REC114: variants seen among roughly 807,000 people sequenced by gnomAD.
REC114 encodes the protein REC114 meiotic recombination protein.
In REC114, 27 loss-of-function variants were observed where a neutral mutation model predicts 31.3. The observed-to-expected ratio is 0.86, with a 90% confidence interval of 0.64 to 1.19. The LOEUF is 1.19. Among genes scored for constraint, REC114 ranks in the 50% most tolerant of loss-of-function variants. The probability of loss-of-function intolerance (pLI) is 0.00; values close to 1 mark genes in which losing one functional copy is unlikely to be tolerated. For synonymous variants in REC114, 134 were observed against 127.7 expected (o/e 1.05, Z -0.33); for missense variants, 344 against 326.9 (o/e 1.05, Z -0.40).
intron 2 of REC114, among the ~76,000 whole-genome samples, chr15:73,478,257 C>G (rs545245696): frequency 2.0e-5 from 2 of 100,448 alleles, no homozygotes; most frequent in East Asian, 5.6e-4. Flanking sequence ...GAGTGAGACT[C>G]TGTCTCAAAA....
At chr15:73,489,199 C>A (rs1215057177) in intron 2 of REC114, among the ~76,000 whole-genome samples, 1 of 146,348 alleles carries the variant, frequency 6.8e-6, no homozygotes, top group Non-Finnish European at 1.5e-5. Flanking sequence ...CCCTCCCCCA[C>A]CTTTTTTTTT....
At chr15:73,532,474 A>G (rs974783366) in intron 2 of REC114, among the ~76,000 whole-genome samples, 69 of 151,378 alleles carry the variant, frequency 4.6e-4, no homozygotes, top group African/African-American at 1.7e-3. Context: ...TAGCAGCATG[A>G]TTTATAGTCC....
At chr15:73,517,654 G>A (rs1416658919) in intron 2 of REC114, among the ~76,000 whole-genome samples, 1 of 152,178 alleles carries the variant, frequency 6.6e-6, no homozygotes, top group Non-Finnish European at 1.5e-5. Context: ...GATGACCACC[G>A]CCCTGGTGTC....
At position 73,550,050 on chromosome 15, in the gene REC114, G is replaced by A. The variant is rs1894366705; in HGVS notation, c.334-888G>A. Among the ~76,000 whole-genome samples the A allele has an allele frequency of 3.9e-5, 6 of 152,148 alleles. No individual in the cohort carries two copies. The South Asian group carries it at 1.2e-3, about 32-fold the overall frequency. On this transcript the variant is annotated intron_variant, in intron 3 of 5. Transcript: ENST00000331090. ...CATGAGGGAAAAGGACTGTCACTGT[G>A]CTAAGCTTAGCATCTACATTTCTTT...
chr15:73,500,730 T>G (rs1893593050), intron 2 of REC114, among the ~76,000 whole-genome samples: 1 of 111,262 alleles, frequency 9.0e-6, no homozygotes, highest in Admixed American at 8.6e-5. Context: ...CAATTATTGT[T>G]TTTTTTTTTT....
chr15:73,492,141 A>C (rs1893455988), intron 2 of REC114, among the ~76,000 whole-genome samples: 1 of 151,990 alleles, frequency 6.6e-6, no homozygotes, highest in Non-Finnish European at 1.5e-5. Flanking sequence ...TATCCCAGAA[A>C]CCTTTCTCAT....
At chr15:73,549,175 AG>A (rs1894354564) in intron 3 of REC114, among the ~76,000 whole-genome samples, 1 of 152,200 alleles carries the variant, frequency 6.6e-6, no homozygotes, top group Admixed American at 6.5e-5. Flanking sequence ...TTAGAATAAA[AG>A]TTAAAAAAAA....
At chr15:73,510,771 C>G (rs1413487856) in intron 2 of REC114, among the ~76,000 whole-genome samples, 1 of 148,230 alleles carries the variant, frequency 6.7e-6, no homozygotes, top group Non-Finnish European at 1.5e-5. Context: ...ATTGAACCAG[C>G]CTTGCATCCC....
intron 2 of REC114, among the ~76,000 whole-genome samples, chr15:73,488,975 TCA>T (rs1404660392): frequency 6.6e-6 from 1 of 152,216 alleles, no homozygotes; most frequent in African/African-American, 2.4e-5. Flanking sequence ...TAACAAAATG[TCA>T]CAGACTGGGT....
At chr15:73,537,543 T>C (rs1263701393) in intron 2 of REC114, among the ~76,000 whole-genome samples, 1 of 152,212 alleles carries the variant, frequency 6.6e-6, no homozygotes, top group African/African-American at 2.4e-5. Flanking sequence ...CCAGACAGGC[T>C]ATGCTGTTTC....
At chr15:73,535,453 G>A (rs1460653856) in intron 2 of REC114, among the ~76,000 whole-genome samples, 2 of 151,664 alleles carry the variant, frequency 1.3e-5, no homozygotes, top group Non-Finnish European at 2.9e-5. Flanking sequence ...AAATACCTAG[G>A]AATCCAACTT....
chr15:73,535,632 A>G (rs1452493714), intron 2 of REC114, among the ~76,000 whole-genome samples: 1 of 146,186 alleles, frequency 6.8e-6, no homozygotes, highest in Non-Finnish European at 1.5e-5. Flanking sequence ...TGCCATCCCC[A>G]TCAAGCTACC....
At chr15:73,462,884 CAAAAAAAA>C (rs769569268) in intron 1 of REC114, among the ~76,000 whole-genome samples, 38 of 55,650 alleles carry the variant, frequency 6.8e-4, no homozygotes, top group South Asian at 3.8e-3. Flanking sequence ...GACTCCGTCT[CAAAAAAAA>C]AAAAAAAAAA....
intron 2 of REC114, among the ~76,000 whole-genome samples, chr15:73,519,693 T>C (rs1002102720): frequency 1.3e-5 from 2 of 152,254 alleles, no homozygotes; most frequent in East Asian, 1.9e-4. Flanking sequence ...TCATCGCAGA[T>C]TATTCACAGT....
At chr15:73,546,361 C>G (rs1397155571) in intron 3 of REC114, among the ~76,000 whole-genome samples, 1 of 151,886 alleles carries the variant, frequency 6.6e-6, no homozygotes, top group Non-Finnish European at 1.5e-5. Flanking sequence ...CCCAGCAAAT[C>G]TGCTTTTAGG....
At chr15:73,507,350 C>A (rs1243287934) in intron 2 of REC114, among the ~76,000 whole-genome samples, 1 of 152,130 alleles carries the variant, frequency 6.6e-6, no homozygotes, top group Non-Finnish European at 1.5e-5. Flanking sequence ...CAAACTTTCT[C>A]AAATTATGAG....
At chr15:73,495,104 A>G (rs910152525) in intron 2 of REC114, among the ~76,000 whole-genome samples, 1 of 152,122 alleles carries the variant, frequency 6.6e-6, no homozygotes, top group Non-Finnish European at 1.5e-5. Flanking sequence ...ATACCATTTT[A>G]TTTCTTCTCC....
chr15:73,534,105 C>T (rs1289938732), intron 2 of REC114, among the ~76,000 whole-genome samples: 2 of 143,196 alleles, frequency 1.4e-5, no homozygotes, highest in Admixed American at 1.4e-4. Flanking sequence ...AAAATTGACA[C>T]CCTAACATCA....
chr15:73,447,393 G>A (rs1347505919), intron 1 of REC114, among the ~76,000 whole-genome samples: 1 of 152,062 alleles, frequency 6.6e-6, no homozygotes, highest in African/African-American at 2.4e-5. Context: ...TGGGTAGAGG[G>A]GACAGAGCCC....
Sources: gnomAD v4.1 joint callset for allele counts (sites outside exome capture counted in the v4.1 genomes callset) on GRCh38, gnomAD v4.1.1 for gene constraint, MANE v1.5 for transcripts, NCBI Gene and HGNC (gene_info 2026-07-23, HGNC 2026-07-21) for gene names.